The following NRL variants were observed in gnomAD, a reference collection of about 807,000 sequenced individuals.
NRL encodes neural retina-specific leucine zipper protein.
NRL carries 16 observed loss-of-function variants against 12.5 expected under a neutral mutation model. That is an observed-to-expected ratio of 1.28 (90% CI 0.87 to 1.95). The LOEUF (loss-of-function observed/expected upper bound fraction) is 1.95. Ranked by LOEUF, NRL falls within the 30% of genes most tolerant of loss-of-function variation. The probability of loss-of-function intolerance (pLI) is 0.00; values close to 1 mark genes in which losing one functional copy is unlikely to be tolerated. For synonymous variants in NRL, 142 were observed against 150.9 expected (o/e 0.94, Z 0.43); for missense variants, 314 against 325.8 (o/e 0.96, Z 0.28).
Position 24,100,073 on chromosome 14 carries a change from C to T in NRL, c.-28+14649G>A, listed in dbSNP as rs1183338526. 3 of 1,612,938 alleles carry T rather than the reference C, an allele frequency of 1.9e-6. No individual in the cohort carries two copies. The highest frequency in any genetic ancestry group is 3.3e-5 in the Admixed American group (2 of 59,934). ...ACCTCTGCCACCACCAATCCCAACG[C>T]CATGGCTACAATCCAGAGTAACACT... is the stretch of plus-strand genomic sequence containing the variant. On this transcript the variant is annotated intron_variant, in intron 1 of 2. Coordinates refer to ENST00000561028, the MANE Select transcript of NRL (RefSeq NM_001354768.3).
Position 24,080,398 on chromosome 14 carries a change from G to C in NRL, c.*838C>G, listed in dbSNP as rs1255148989. The C allele has an allele frequency of 6.6e-6, 1 of 152,424 alleles. No homozygotes were observed. Among genetic ancestry groups the C allele is most frequent in the Non-Finnish European group, 1.5e-5 (1 of 68,058 alleles). 9.4% of individuals were successfully genotyped at this position (152,424 alleles called of 1,614,324 possible). A position where few individuals can be genotyped will look rare whatever the true frequency, so the allele number is the denominator to read the frequency against. ...CTGCCTAGGCTGCAGCTGGGAAACTGCAGCAGGATAGGAGGTGCCTTTGGC... is the reference window on the plus strand; with the variant it reads ...CTGCCTAGGCTGCAGCTGGGAAACTCCAGCAGGATAGGAGGTGCCTTTGGC... On this transcript the variant is annotated 3_prime_UTR_variant, in exon 3 of 3. Coordinates refer to ENST00000561028, the MANE Select transcript of NRL (RefSeq NM_001354768.3).
chr14:24,087,243 GACA>G lies in NRL; in HGVS notation c.-27-4371_-27-4369del, dbSNP rs572670145. Among the ~76,000 whole-genome samples the G allele has an allele frequency of 1.9e-3, 294 of 152,250 alleles. 4 individuals are homozygous for G. The Middle Eastern group carries it at 0.02, about 11-fold the overall frequency. On this transcript the variant is annotated intron_variant, in intron 1 of 2. Coordinates refer to ENST00000561028, the MANE Select transcript of NRL (RefSeq NM_001354768.3). ...GGAGAGGACCAAGAAGGGAGTAGGG[GACA>G]ACAAGGACTAGAACAGTAAGAGTGG...
Position 24,079,473 on chromosome 14 carries a change from G to C in NRL, c.*1763C>G, listed in dbSNP as rs574053527. Among the ~76,000 whole-genome samples the C allele has an allele frequency of 1.3e-5, 2 of 152,326 alleles. No homozygotes were observed. Among genetic ancestry groups the C allele is most frequent in the South Asian group, 4.1e-4 (2 of 4,830 alleles). On this transcript the variant is annotated 3_prime_UTR_variant, in exon 3 of 3. Transcript: ENST00000561028. ...AGAGAGAGAATCCAGAGCCAGAGAG[G>C]ATGGCCAGTGGCCAATGGTGGGGAA...
At position 24,081,865 on chromosome 14, in the gene NRL, C is replaced by CG. The variant is rs2036321375; in HGVS notation, c.382-298dup. On this transcript the variant is annotated intron_variant, in intron 2 of 2. Transcript: ENST00000561028. This position sits in a 1 kb window ranked among gnomAD's most constrained non-coding sequence, Gnocchi z 4.4. ...ACCCCGGGCTCGTCTCTGGGATCCCCGGCATCCAGCTCCAGGCCCGGGTGT... is the reference window on the plus strand; with the variant it reads ...ACCCCGGGCTCGTCTCTGGGATCCCCGGGCATCCAGCTCCAGGCCCGGGTGT... 2 of 1,363,340 alleles carry CG rather than the reference C, an allele frequency of 1.5e-6. No individual in the cohort carries two copies. Among genetic ancestry groups the CG allele is most frequent in the East Asian group, 6.3e-5 (2 of 31,784 alleles). 84.5% of individuals were successfully genotyped at this position (1,363,340 alleles called of 1,614,324 possible).
chr14:24,091,225 A>C (rs1427075658), intron 1 of NRL, among the ~76,000 whole-genome samples: 1 of 151,330 alleles, frequency 6.6e-6, no homozygotes, highest in African/African-American at 2.4e-5. Context: ...ATCTCGGCTC[A>C]CTGCAACCTC....
At chr14:24,100,223 G>T in intron 1 of NRL, 1 of 1,613,962 alleles carries the variant, frequency 6.2e-7, no homozygotes, top group Non-Finnish European at 8.5e-7. Context: ...GGTATGTGCG[G>T]TGGGGAAGGT....
chr14:24,103,088 A>G lies in NRL; in HGVS notation c.-28+11634T>C, dbSNP rs959198675. 8 of 1,307,318 alleles carry G rather than the reference A, an allele frequency of 6.1e-6. No individual in the cohort carries two copies. The Admixed American group carries it at 7.0e-5, about 11-fold the overall frequency. The allele number at this position is 1,307,318 out of a possible 1,614,324, so 81.0% of individuals were successfully genotyped here. On this transcript the variant is annotated intron_variant, in intron 1 of 2. Coordinates refer to ENST00000561028, the MANE Select transcript of NRL (RefSeq NM_001354768.3). ...GTCTTAGGAGAGAGAGTACCAGTCA[A>G]GCTCACCAGAAGGGCTGGAGTTAGG...
chr14:24,106,430 T>C (rs540492395), intron 1 of NRL, among the ~76,000 whole-genome samples: 3 of 152,036 alleles, frequency 2.0e-5, no homozygotes, highest in Non-Finnish European at 4.4e-5. Flanking sequence ...AGCAGTGGAG[T>C]ATATTGTACT....
At chr14:24,095,068 G>C in intron 1 of NRL, 1 of 455,728 alleles carries the variant, frequency 2.2e-6, no homozygotes, top group South Asian at 1.5e-5. Flanking sequence ...TCCAGGCCTG[G>C]AGCCCCCAGG....
chr14:24,099,077 C>T, intron 1 of NRL: 1 of 1,608,260 alleles, frequency 6.2e-7, no homozygotes, highest in Non-Finnish European at 8.5e-7. Context: ...GGCCGTGCAA[C>T]CCAGAGAAAA....
intron 1 of NRL, chr14:24,084,458 G>T: frequency 1.4e-6 from 1 of 709,616 alleles, no homozygotes; most frequent in Non-Finnish European, 1.7e-6. Flanking sequence ...CAGAGAGCAG[G>T]TGTTAAAGAG....
Position 24,081,752 on chromosome 14 carries a change from G to A in NRL, c.382-184C>T, listed in dbSNP as rs1175543223. On this transcript the variant is annotated intron_variant, in intron 2 of 2. Transcript: ENST00000561028. The surrounding 1 kb of genome is among the most constrained non-coding windows in gnomAD (Gnocchi z 4.4). ...CCCGCCCCAGGCCCCGACGCTCCCCGGGCCCCCCAGCTGACCGTTGCTCCA... is the reference window on the plus strand; with the variant it reads ...CCCGCCCCAGGCCCCGACGCTCCCCAGGCCCCCCAGCTGACCGTTGCTCCA... 1.8e-5 allele frequency: 27 copies of A among 1,519,894 alleles called. No individual in the cohort carries two copies. Among genetic ancestry groups the A allele is most frequent in the Non-Finnish European group, 2.2e-5 (25 of 1,139,620 alleles). The allele number at this position is 1,519,894 out of a possible 1,614,324, so 94.2% of individuals were successfully genotyped here.
intron 1 of NRL, among the ~76,000 whole-genome samples, chr14:24,096,332 G>A (rs1038405799): frequency 1.4e-5 from 2 of 147,558 alleles, no homozygotes; most frequent in African/African-American, 2.5e-5. Context: ...TCCACCTCCC[G>A]GGTTCAAGCG....
intron 1 of NRL, chr14:24,097,172 G>A: frequency 1.9e-6 from 3 of 1,602,776 alleles, no homozygotes; most frequent in Non-Finnish European, 2.6e-6. Context: ...CAGGATAGGT[G>A]CACTGAGGCC....
In NRL at chr14:24,094,525, C is replaced by T. The variant is rs1202770407; in HGVS notation, c.-27-11650G>A. 4 of 1,447,000 alleles carry T rather than the reference C, an allele frequency of 2.8e-6. No homozygotes were observed. The highest frequency in any genetic ancestry group is 3.6e-6 in the Non-Finnish European group (4 of 1,105,356). The allele number at this position is 1,447,000 out of a possible 1,614,324, so 89.6% of individuals were successfully genotyped here. A position where few individuals can be genotyped will look rare whatever the true frequency, so the allele number is the denominator to read the frequency against. On this transcript the variant is annotated intron_variant, in intron 1 of 2. Coordinates refer to ENST00000561028, the MANE Select transcript of NRL (RefSeq NM_001354768.3). This position sits in a 1 kb window ranked among gnomAD's most constrained non-coding sequence, Gnocchi z 4.1. ...GTGGCGCTCTCCTGCTCTCAGCCTC[C>T]GCCAGGTTTCCCATCCTAGGCGGAG...
intron 1 of NRL, among the ~76,000 whole-genome samples, chr14:24,106,734 A>G (rs2037345004): frequency 6.9e-6 from 1 of 145,852 alleles, no homozygotes; most frequent in African/African-American, 2.7e-5. Flanking sequence ...AAAAAAATAA[A>G]TAAATAAATA....
At chr14:24,102,705 G>A (rs1160734204) in intron 1 of NRL, 2 of 1,561,244 alleles carry the variant, frequency 1.3e-6, no homozygotes, top group Non-Finnish European at 1.8e-6. Flanking sequence ...TGTGTGTTGG[G>A]GGTCGACATG....
At chr14:24,104,812 C>A (rs1375165903) in intron 1 of NRL, among the ~76,000 whole-genome samples, 1 of 152,182 alleles carries the variant, frequency 6.6e-6, no homozygotes, top group African/African-American at 2.4e-5. Flanking sequence ...ATTTGTTCTT[C>A]CCCCTGCCTG....
At chr14:24,099,360 A>T in intron 1 of NRL, 3 of 1,083,630 alleles carry the variant, frequency 2.8e-6, no homozygotes, top group Non-Finnish European at 3.9e-6. Flanking sequence ...ACTCTACTTG[A>T]AGGCCCAAAG....
Sources: allele counts gnomAD v4.1 joint callset (sites outside exome capture counted in the v4.1 genomes callset), GRCh38; gene constraint gnomAD v4.1.1; non-coding constraint Gnocchi (gnomAD v3.1); transcripts MANE v1.5; gene names NCBI Gene and HGNC (gene_info 2026-07-23, HGNC 2026-07-21).